DOK7: variants seen among roughly 807,000 people sequenced by gnomAD.
The protein encoded by DOK7 is docking protein 7, also known as protein Dok-7.
In DOK7, 32 loss-of-function variants were observed where a neutral mutation model predicts 30.7. That is an observed-to-expected ratio of 1.04 (90% CI 0.79 to 1.40). The LOEUF is 1.40. DOK7 is among the 40% of genes most tolerant of loss of function. DOK7 has a pLI of 0.00. For synonymous variants in DOK7, 447 were observed against 324.1 expected (o/e 1.38, Z -4.07); for missense variants, 1,007 against 699.2 (o/e 1.44, Z -4.97).
At chr4:3,483,743 T>A (rs1226414658) in intron 4 of DOK7, among the ~76,000 whole-genome samples, 1 of 152,198 alleles carries the variant, frequency 6.6e-6, no homozygotes, top group Non-Finnish European at 1.5e-5. Context: ...TCGTGAGAGC[T>A]GGGGCTGTGC....
At chr4:3,480,911 C>A (rs1440004867) in intron 4 of DOK7, among the ~76,000 whole-genome samples, 5 of 152,166 alleles carry the variant, frequency 3.3e-5, no homozygotes, top group Non-Finnish European at 7.3e-5. Flanking sequence ...GGGGCACAGA[C>A]CCCAGGCTGG....
chr4:3,490,046 ACTCATT>A (rs1229547551), intron 6 of DOK7, among the ~76,000 whole-genome samples: 7 of 118,940 alleles, frequency 5.9e-5, no homozygotes, highest in Non-Finnish European at 1.2e-4. Flanking sequence ...TCTTCCTCCT[ACTCATT>A]AATTCCTTCC....
In DOK7 at chr4:3,500,301, G is replaced by A. The variant is rs756538612; in HGVS notation, c.1159G>A (p.Gly387Ser). ...CAGCCCAGGACCAGAGAGGCCGCGC[G>A]GCGAGTCGCCCACTTACGTGAACAT... The change falls in exon 7 of 8, where the codon GGC (glycine) becomes AGC (serine). Residue 387 changes from glycine (G) to serine (S), a missense_variant. By Grantham distance (56) the Gly-to-Ser change is moderately conservative. Transcript: ENST00000643608. 122 of 1,535,952 alleles carry A rather than the reference G, an allele frequency of 7.9e-5. No individual in the cohort carries two copies. The highest frequency in any genetic ancestry group is 4.4e-4 in the South Asian group (37 of 84,066).
rs56769879 is a variant in DOK7 at position 3,493,129 on chromosome 4, C to A, written c.1143C>A (p.Pro381=). 1 of 1,594,464 alleles carries A rather than the reference C, an allele frequency of 6.3e-7. No homozygotes were observed. The highest frequency in any genetic ancestry group is 8.5e-7 in the Non-Finnish European group (1 of 1,173,360). ...TCAGCCTGCCAGCAGCGGGGGCCCC[C>A]GAGCCCAGCCTGTGCACCTGCCTGC... The part of the protein sequence containing the change: ...SLLSLPAAGA[P]EPSLCTCLPG... Residue 381 remains proline (P), a synonymous_variant, in exon 7 of 7, where the codon CCC becomes CCA. Coordinates refer to ENST00000340083, the MANE Select transcript of DOK7 (RefSeq NM_173660.5).
intron 5 of DOK7, among the ~76,000 whole-genome samples, chr4:3,487,783 C>T (rs1434899249): frequency 1.3e-5 from 2 of 152,180 alleles, no homozygotes; most frequent in African/African-American, 2.4e-5. Flanking sequence ...CCTGGTGTCA[C>T]CGAGGGGCCA....
At chr4:3,469,126 TGTG>T (rs1726581718) in intron 2 of DOK7, among the ~76,000 whole-genome samples, 1 of 147,734 alleles carries the variant, frequency 6.8e-6, no homozygotes, top group South Asian at 2.1e-4. Context: ...GTGCACACAT[TGTG>T]TGTGTGCGTG....
chr4:3,497,841 T>A (rs566930573), downstream of DOK7, among the ~76,000 whole-genome samples: 57 of 152,266 alleles, frequency 3.7e-4, no homozygotes, highest in Admixed American at 3.9e-4. Context: ...TCCAGTGTGC[T>A]GAGGCAGCCA....
In DOK7 at chr4:3,493,136, A is replaced by C; in HGVS notation, c.1150A>C (p.Ser384Arg). 1 of 1,599,890 alleles carries C rather than the reference A, an allele frequency of 6.3e-7. No homozygotes were observed. The highest frequency in any genetic ancestry group is 8.5e-7 in the Non-Finnish European group (1 of 1,175,398). Residue 384 changes from serine (S) to arginine (R), a missense_variant, in exon 7 of 7, where the codon AGC becomes CGC. Ser to Arg is a moderately radical substitution (Grantham distance 110, BLOSUM62 -1). Transcript: ENST00000340083. ...SLPAAGAPEP[S>R]LCTCLPGTVE... ...GCCAGCAGCGGGGGCCCCCGAGCCC[A>C]GCCTGTGCACCTGCCTGCCCGGGAC... is the stretch of plus-strand genomic sequence containing the variant.
intron 4 of DOK7, among the ~76,000 whole-genome samples, chr4:3,480,833 G>A (rs1560216244): frequency 6.6e-6 from 1 of 152,104 alleles, no homozygotes; most frequent in Non-Finnish European, 1.5e-5. Flanking sequence ...CAGACGGTCC[G>A]GCCTCAGAGG....
Position 3,493,066 on chromosome 4 carries a change from G to C in DOK7, c.1080G>C (p.Leu360=). The change falls in exon 7 of 7, where the codon CTG becomes CTC. Residue 360 remains leucine (L), a synonymous_variant. Coordinates refer to ENST00000340083, the MANE Select transcript of DOK7 (RefSeq NM_173660.5). ...TCTCGTCCTACGCGGGCAGCAGCCT[G>C]GACGTGTGGCGGGCCACAGATGAAC... The part of the protein sequence containing the change: ...SSLSSYAGSS[L]DVWRATDELG... The C allele has an allele frequency of 6.3e-7, 1 of 1,576,128 alleles. No homozygotes were observed. The highest frequency in any genetic ancestry group is 8.6e-7 in the Non-Finnish European group (1 of 1,165,530).
chr4:3,500,648 G>A, intron 7 of DOK7: 1 of 1,535,558 alleles, frequency 6.5e-7, no homozygotes, highest in Non-Finnish European at 8.7e-7. Context: ...ACAGGGCTGG[G>A]TGGCTCGGGG....
At chr4:3,477,210 G>C (rs1228287734) in intron 4 of DOK7, among the ~76,000 whole-genome samples, 5 of 152,282 alleles carry the variant, frequency 3.3e-5, no homozygotes. Flanking sequence ...GTTGGGTGCA[G>C]ATGCGCCAGG....
chr4:3,475,353 C>T (rs1726999439), intron 3 of DOK7, among the ~76,000 whole-genome samples: 1 of 152,156 alleles, frequency 6.6e-6, no homozygotes, highest in African/African-American at 2.4e-5. Context: ...CCTGAGGCCA[C>T]AGCTTGGAGC....
At chr4:3,499,063 G>C (rs913781562), downstream of DOK7, among the ~76,000 whole-genome samples, 1 of 152,354 alleles carries the variant, frequency 6.6e-6, no homozygotes, top group African/African-American at 2.4e-5. Context: ...AAGGGTGAGA[G>C]GAGCCAGGCA....
chr4:3,490,927 CCTT>C (rs1199820226), intron 6 of DOK7, among the ~76,000 whole-genome samples: 1 of 137,044 alleles, frequency 7.3e-6, no homozygotes, highest in African/African-American at 2.9e-5. Context: ...TTCATTCCTT[CCTT>C]CTTCCCCTGC....
exon 8 of DOK7, chr4:3,501,100 C>T: frequency 2.0e-6 from 1 of 505,134 alleles, no homozygotes; most frequent in South Asian, 2.9e-5. Context: ...AGGCATCAGG[C>T]AGCTCTGGTA....
At position 3,463,510 on chromosome 4, in the gene DOK7, A is replaced by AGAG; in HGVS notation, c.60_62dup (p.Lys20_Ser21insArg). ...CGCTCCCCCCTGTCCCCGCAGTGGA[A>AGAG]GAGTAGGTGGCTGGTGCTGCGGAAG... is the stretch of plus-strand genomic sequence containing the variant. On this transcript the variant is annotated inframe_insertion, in exon 2 of 7. Coordinates refer to ENST00000340083, the MANE Select transcript of DOK7 (RefSeq NM_173660.5). 7.5e-7 allele frequency: 1 copy of AGAG among 1,327,562 alleles called. No individual in the cohort carries two copies. The highest frequency in any genetic ancestry group is 9.8e-7 in the Non-Finnish European group (1 of 1,023,354). The allele number at this position is 1,327,562 out of a possible 1,614,324, so 82.2% of individuals were successfully genotyped here.
intron 7 of DOK7, chr4:3,500,617 A>G: frequency 6.5e-7 from 1 of 1,531,940 alleles, no homozygotes; most frequent in East Asian, 2.4e-5. Context: ...TGGCTGGGGG[A>G]CTGGTGTGGA....
downstream of DOK7, chr4:3,496,863 G>T (rs1263094996): frequency 2.6e-6 from 4 of 1,534,826 alleles, no homozygotes. Flanking sequence ...GCACATTCAG[G>T]TAGGCACCTG....
Sources: allele counts gnomAD v4.1 joint callset (sites outside exome capture counted in the v4.1 genomes callset), GRCh38; gene constraint gnomAD v4.1.1; transcripts MANE v1.5; gene names NCBI Gene and HGNC (gene_info 2026-07-23, HGNC 2026-07-21).